Variants in PDE1A observed in about 807,000 individuals in gnomAD.
PDE1A encodes the protein phosphodiesterase 1A.
Under a neutral mutation model 61.7 loss-of-function variants are expected in PDE1A, and 35 were observed. That is an observed-to-expected ratio of 0.57 (90% confidence interval 0.43 to 0.75). PDE1A has a LOEUF of 0.75. Ranked by LOEUF, PDE1A falls within the 30% of genes least tolerant of loss-of-function variation. The pLI is 0.00. For synonymous variants in PDE1A, 232 were observed against 213.2 expected (o/e 1.09, Z -0.77); for missense variants, 597 against 630.6 (o/e 0.95, Z 0.57).
downstream of PDE1A, among the ~76,000 whole-genome samples, chr2:182,166,540 GT>G (rs1553519432): frequency 6.6e-6 from 1 of 152,176 alleles, no homozygotes; most frequent in Non-Finnish European, 1.5e-5. Flanking sequence ...GGGCTCCACT[GT>G]TAACTTTCCT....
At chr2:182,436,746 A>G (rs1371168504) in intron 2 of PDE1A, among the ~76,000 whole-genome samples, 1 of 151,944 alleles carries the variant, frequency 6.6e-6, no homozygotes, top group Non-Finnish European at 1.5e-5. Context: ...GCATATCTTC[A>G]TTTCACACTC....
chr2:182,677,115 G>A, the PDE1A span, among the ~76,000 whole-genome samples: 6 of 152,228 alleles, frequency 3.9e-5, no homozygotes, highest in Non-Finnish European at 7.4e-5. Context: ...AAGACAGGAC[G>A]TCAAACTATC....
intron 11 of PDE1A, among the ~76,000 whole-genome samples, 154 bp downstream of exon 11, chr2:182,188,825 A>G (rs1434658555): frequency 6.6e-6 from 1 of 152,226 alleles, no homozygotes; most frequent in Admixed American, 6.5e-5. Context: ...AATAAGTCTT[A>G]TTCAGCACCA....
the PDE1A span, among the ~76,000 whole-genome samples, chr2:182,531,186 T>C: frequency 6.6e-6 from 1 of 150,882 alleles, no homozygotes; most frequent in African/African-American, 2.4e-5. Context: ...AAAAAAGTGC[T>C]CAAGTAACCG....
At chr2:182,206,104 T>G (rs1559182806) in intron 7 of PDE1A, 39 bp from the exon 8 acceptor site, 4 of 1,567,128 alleles carry the variant, frequency 2.6e-6, no homozygotes, top group Non-Finnish European at 3.5e-6. Context: ...GAGGATTTCT[T>G]TAGACATCAT....
At chr2:182,174,998 G>C (rs1692602456) in intron 13 of PDE1A, among the ~76,000 whole-genome samples, 1 of 152,034 alleles carries the variant, frequency 6.6e-6, no homozygotes, top group Non-Finnish European at 1.5e-5. Flanking sequence ...TGTTGTATTT[G>C]GTTTTCTGTT....
intron 1 of PDE1A, among the ~76,000 whole-genome samples, chr2:182,353,595 C>T (rs1204579281): frequency 6.6e-6 from 1 of 151,970 alleles, no homozygotes; most frequent in Non-Finnish European, 1.5e-5. Flanking sequence ...ATGTCTACAG[C>T]ATGCACAAAT....
the PDE1A span, among the ~76,000 whole-genome samples, chr2:182,562,822 G>A: frequency 6.6e-6 from 1 of 152,186 alleles, no homozygotes; most frequent in Non-Finnish European, 1.5e-5. Flanking sequence ...ATTTCTTCTA[G>A]ATTTTCTAGT....
chr2:182,605,022 G>A, the PDE1A span, among the ~76,000 whole-genome samples: 1 of 138,986 alleles, frequency 7.2e-6, no homozygotes, highest in Admixed American at 7.0e-5. Flanking sequence ...TCTGGGTGGG[G>A]GCCTGAGGGG....
intron 13 of PDE1A, among the ~76,000 whole-genome samples, chr2:182,152,248 T>C (rs1337151393): frequency 6.6e-6 from 1 of 152,112 alleles, no homozygotes; most frequent in Non-Finnish European, 1.5e-5. Flanking sequence ...AAATTGGTGA[T>C]CAAAGATTAA....
At chr2:182,658,190 C>G in the PDE1A span, among the ~76,000 whole-genome samples, 2 of 151,950 alleles carry the variant, frequency 1.3e-5, no homozygotes, top group African/African-American at 4.8e-5. Context: ...TTTCTAGAGG[C>G]TAGACGTCCA....
chr2:182,489,162 A>C (rs962881218), intron 2 of PDE1A, among the ~76,000 whole-genome samples: 3 of 152,220 alleles, frequency 2.0e-5, no homozygotes, highest in African/African-American at 7.2e-5. Context: ...TGTATCTCAG[A>C]CAAGAGTGTA....
chr2:182,429,853 G>A (rs1402965195), upstream of PDE1A, among the ~76,000 whole-genome samples: 6 of 152,148 alleles, frequency 3.9e-5, no homozygotes, highest in East Asian at 1.2e-3. Flanking sequence ...TGGCAAAAAG[G>A]TCATTTGATA....
chr2:182,634,836 A>G, the PDE1A span, among the ~76,000 whole-genome samples: 12 of 152,348 alleles, frequency 7.9e-5, 1 homozygote, highest in South Asian at 2.5e-3. Context: ...ATGATGATTC[A>G]TCTTTAGTCA....
intron 2 of PDE1A, among the ~76,000 whole-genome samples, chr2:182,501,822 C>A (rs888900573): frequency 6.6e-6 from 1 of 152,180 alleles, no homozygotes; most frequent in Non-Finnish European, 1.5e-5. Flanking sequence ...CTAGGTTTAA[C>A]ACCCTGTCCT....
chr2:182,666,730 A>G, the PDE1A span, among the ~76,000 whole-genome samples: 1 of 152,184 alleles, frequency 6.6e-6, no homozygotes, highest in Non-Finnish European at 1.5e-5. Flanking sequence ...TTCAGGAACC[A>G]GGGAAGAAAT....
chr2:182,189,227 C>T (rs1410773419), intron 10 of PDE1A, among the ~76,000 whole-genome samples, 167 bp from the exon 11 acceptor site: 1 of 152,106 alleles, frequency 6.6e-6, no homozygotes, highest in East Asian at 1.9e-4. Context: ...TATAATTTTT[C>T]TTGGATGGTC....
chr2:182,211,533 A>C (rs544569186), intron 7 of PDE1A, among the ~76,000 whole-genome samples: 2 of 152,290 alleles, frequency 1.3e-5, no homozygotes, highest in South Asian at 4.2e-4. Flanking sequence ...CTTTAGAATC[A>C]CTTTGTCAGA....
chr2:182,594,904 T>C, the PDE1A span, among the ~76,000 whole-genome samples: 1 of 152,166 alleles, frequency 6.6e-6, no homozygotes, highest in South Asian at 2.1e-4. Flanking sequence ...CCTGGGTGAA[T>C]TGCAGGGATT....
Sources: gnomAD v4.1 joint callset for allele counts (sites outside exome capture counted in the v4.1 genomes callset) on GRCh38, gnomAD v4.1.1 for gene constraint, MANE v1.5 for transcripts, NCBI Gene and HGNC (gene_info 2026-07-23, HGNC 2026-07-21) for gene names.